Variants in MIER1 observed in about 807,000 individuals in gnomAD.
MIER1 encodes mesoderm induction early response protein 1.
MIER1 carries 40 observed loss-of-function variants against 75.7 expected under a neutral mutation model. The observed-to-expected ratio is 0.53, with a 90% CI of 0.41 to 0.69. The LOEUF (loss-of-function observed/expected upper bound fraction) is 0.69, where lower values mean the gene tolerates loss of function less well. Ranked by LOEUF, MIER1 falls within the 30% of genes least tolerant of loss-of-function variation. MIER1 has a pLI of 0.00. For synonymous variants in MIER1, 213 were observed against 223.4 expected, an observed-to-expected ratio of 0.95 and a Z score of 0.42; for missense variants, 574 against 680.2, an observed-to-expected ratio of 0.84 and a Z score of 1.74.
intron 12 of MIER1, among the ~76,000 whole-genome samples, chr1:66,978,516 A>AT (rs959879997): frequency 3.9e-5 from 6 of 152,014 alleles, no homozygotes; most frequent in Admixed American, 6.6e-5. Flanking sequence ...TTTATAGTTA[A>AT]TTTTTTTTCC....
At chr1:66,946,998 T>C (rs1202346052) in intron 4 of MIER1, 1 of 985,298 alleles carries the variant, frequency 1.0e-6, no homozygotes, top group East Asian at 1.1e-4. Flanking sequence ...TCTTTTTTTC[T>C]CTCCTGTCTC....
At chr1:66,943,227 G>A (rs754427955) in intron 3 of MIER1, among the ~76,000 whole-genome samples, 35 of 152,048 alleles carry the variant, frequency 2.3e-4, no homozygotes, top group Non-Finnish European at 4.3e-4. Context: ...GAAAAGGATT[G>A]GGACAGAAAA....
At chr1:66,960,931 G>T (rs571147749) in intron 7 of MIER1, among the ~76,000 whole-genome samples, 71 of 152,078 alleles carry the variant, frequency 4.7e-4, no homozygotes, top group Admixed American at 1.2e-3. Context: ...TCAAGTTTAT[G>T]TATCTTCAAC....
chr1:66,980,570 C>T (rs1665680158), intron 12 of MIER1, among the ~76,000 whole-genome samples: 1 of 152,122 alleles, frequency 6.6e-6, no homozygotes, highest in Non-Finnish European at 1.5e-5. Flanking sequence ...CAGAAAATTC[C>T]TCAGAGCTTC....
chr1:66,942,968 A>G (rs1393053073), intron 3 of MIER1, among the ~76,000 whole-genome samples: 1 of 152,206 alleles, frequency 6.6e-6, no homozygotes, highest in Non-Finnish European at 1.5e-5. Context: ...AGAGTGTAAC[A>G]AGTATAACAA....
chr1:66,947,100 C>G (rs1416627979), intron 4 of MIER1: 1 of 657,746 alleles, frequency 1.5e-6, no homozygotes, highest in Non-Finnish European at 1.9e-6. Flanking sequence ...TTTTTTGGAC[C>G]TCTCCCCCGG....
chr1:66,925,536 T>C, intron 1 of MIER1: 10 of 985,436 alleles, frequency 1.0e-5, no homozygotes, highest in Non-Finnish European at 1.2e-5. Context: ...GCCTTTATGG[T>C]GAGCAGCGCC....
rs1046375606 is a variant in MIER1, at chr1:66,986,320, A to T, written c.*1420A>T. The T allele has an allele frequency of 3.3e-6, 5 of 1,533,738 alleles. No individual in the cohort carries two copies. The Admixed American group carries it at 6.3e-5, about 19-fold the overall frequency. On this transcript the variant is annotated 3_prime_UTR_variant, in exon 14 of 14. Transcript: ENST00000401041. The stretch of plus-strand genomic sequence containing the variant: ...ATTTTTAGTGCTAAATTCTTGTTAA[A>T]TAATGTAGTTTTATATAGCTGATAG...
chr1:66,957,738 G>A (rs1660456005), intron 4 of MIER1, among the ~76,000 whole-genome samples: 1 of 151,956 alleles, frequency 6.6e-6, no homozygotes, highest in South Asian at 2.1e-4. Flanking sequence ...GGGCATCCAT[G>A]CATAGCGTTA....
intron 6 of MIER1, 70 bp from the exon 7 acceptor site, chr1:66,959,609 G>A (rs966744973): frequency 5.3e-6 from 4 of 752,156 alleles, no homozygotes; most frequent in Admixed American, 6.0e-5. Context: ...GATGGTAGAT[G>A]TAAAAATAAT....
rs183568655 is a variant in MIER1 at position 66,935,411 on chromosome 1, A to C, written c.169-4617A>C. On this transcript the variant is annotated intron_variant, in intron 2 of 13. Transcript: ENST00000401041. ...CTGTGTACAGTCTTTCTGTCTCTCT[A>C]GTGTTGTTTTCCATCTCAGATAAGA... 1.6e-4 allele frequency among the ~76,000 whole-genome samples: 25 copies of C among 152,260 alleles called. No individual in the cohort carries two copies. The East Asian group carries it at 4.8e-3, about 29-fold the overall frequency.
chr1:66,982,100 T>G (rs1666009341), intron 13 of MIER1, among the ~76,000 whole-genome samples, 182 bp downstream of exon 13: 1 of 152,220 alleles, frequency 6.6e-6, no homozygotes, highest in Non-Finnish European at 1.5e-5. Context: ...TGATTGGACA[T>G]CACTAAAAAG....
Position 66,986,563 on chromosome 1 carries a change from C to A in MIER1, c.*1663C>A. 1.0e-6 allele frequency: 1 copy of A among 989,526 alleles called. No homozygotes were observed. Among genetic ancestry groups the A allele is most frequent in the Non-Finnish European group, 1.6e-6 (1 of 622,878 alleles). The allele number at this position is 989,526 out of a possible 1,614,324, so 61.3% of individuals were successfully genotyped here. ...AGAAATTAGCATTCAGGCCTTACCC[C>A]CATGAAGTATTACTGTTAACATATG... is the stretch of plus-strand genomic sequence containing the variant. On this transcript the variant is annotated 3_prime_UTR_variant, in exon 14 of 14. Transcript: ENST00000401041.
chr1:66,983,334 A>G (rs980299774), intron 13 of MIER1, among the ~76,000 whole-genome samples: 1 of 152,200 alleles, frequency 6.6e-6, no homozygotes, highest in Non-Finnish European at 1.5e-5. Context: ...CATAATCCCC[A>G]TGTGCATTCA....
Position 66,985,263 on chromosome 1 carries a change from G to A in MIER1, c.*363G>A. The A allele has an allele frequency of 1.0e-6, 1 of 976,260 alleles. No individual in the cohort carries two copies. The highest frequency in any genetic ancestry group is 1.2e-6 in the Non-Finnish European group (1 of 821,476). 60.5% of individuals were successfully genotyped at this position (976,260 alleles called of 1,614,324 possible). A position where few individuals can be genotyped will look rare whatever the true frequency, so the allele number is the denominator to read the frequency against. On this transcript the variant is annotated 3_prime_UTR_variant, in exon 14 of 14. Coordinates refer to ENST00000401041, the MANE Select transcript of MIER1 (RefSeq NM_001077700.3). ...TATTAATCATAAAATTTCACTACAA[G>A]GTAATTTTTGCTTAGTTTGATGGAT...
chr1:66,973,243 A>C (rs369200191), intron 11 of MIER1, among the ~76,000 whole-genome samples: 2 of 152,034 alleles, frequency 1.3e-5, no homozygotes, highest in Admixed American at 6.6e-5. Context: ...ATGTTAATCA[A>C]CTTCTAGTTG....
intron 11 of MIER1, among the ~76,000 whole-genome samples, chr1:66,975,525 CAAAAA>C (rs530333118): frequency 1.3e-4 from 18 of 134,922 alleles, no homozygotes; most frequent in Admixed American, 1.2e-3. Flanking sequence ...GACACTATCT[CAAAAA>C]AAAAAGAAAA....
intron 12 of MIER1, among the ~76,000 whole-genome samples, chr1:66,978,402 A>G (rs118009286): frequency 6.6e-6 from 1 of 152,188 alleles, no homozygotes; most frequent in African/African-American, 2.4e-5. Flanking sequence ...TCATGGGACA[A>G]TGGAGTGTGT....
At chr1:66,926,319 T>G in intron 2 of MIER1, 77 bp downstream of exon 2, 1 of 1,141,372 alleles carries the variant, frequency 8.8e-7, no homozygotes, top group South Asian at 1.3e-5. Context: ...ATATTACTCT[T>G]CTTATATGTT....
Sources: gnomAD v4.1 joint callset for allele counts (sites outside exome capture counted in the v4.1 genomes callset) on GRCh38, gnomAD v4.1.1 for gene constraint, MANE v1.5 for transcripts, NCBI Gene and HGNC (gene_info 2026-07-23, HGNC 2026-07-21) for gene names.